MTA3: variants seen among roughly 807,000 people sequenced by gnomAD.
The protein encoded by MTA3 is metastasis associated 1 family member 3.
In MTA3, 34 loss-of-function variants were observed where a neutral mutation model predicts 83.5. That is an observed-to-expected ratio of 0.41 (90% CI 0.31 to 0.54). The LOEUF is 0.54. MTA3 is among the 20% of genes least tolerant of loss of function. The pLI, the probability that MTA3 is intolerant of heterozygous loss-of-function variation, is 0.33. For missense variants in MTA3, 761 were observed against 726.4 expected (o/e 1.05, Z -0.55); for synonymous variants, 303 against 252.7 (o/e 1.20, Z -1.89).
chr2:42,612,613 G>A (rs1396836477), intron 4 of MTA3, among the ~76,000 whole-genome samples: 3 of 152,178 alleles, frequency 2.0e-5, no homozygotes, highest in Admixed American at 6.5e-5. Flanking sequence ...TGTAATCCCA[G>A]CACTTTGTGA....
At chr2:42,542,143 C>T (rs925402338) in intron 2 of MTA3, among the ~76,000 whole-genome samples, 1 of 152,200 alleles carries the variant, frequency 6.6e-6, no homozygotes, top group South Asian at 2.1e-4. Flanking sequence ...TCACAAGTCT[C>T]CACTCCATTC....
At chr2:42,733,046 T>A (rs967198206) in intron 16 of MTA3, among the ~76,000 whole-genome samples, 6 of 152,198 alleles carry the variant, frequency 3.9e-5, no homozygotes, top group African/African-American at 1.4e-4. Context: ...TCCAAACTGT[T>A]CCAACCTGTG....
At chr2:42,655,232 T>G (rs1689061484) in intron 6 of MTA3, among the ~76,000 whole-genome samples, 1 of 152,172 alleles carries the variant, frequency 6.6e-6, no homozygotes. Flanking sequence ...CCAAATAAAG[T>G]CTCTTCGAAA....
At chr2:42,517,930 A>T (rs1468952460) in intron 2 of MTA3, among the ~76,000 whole-genome samples, 4 of 151,888 alleles carry the variant, frequency 2.6e-5, no homozygotes, top group African/African-American at 9.7e-5. Flanking sequence ...TCACGCCTGT[A>T]ATCCGAGCAC....
intron 2 of MTA3, among the ~76,000 whole-genome samples, chr2:42,539,524 A>T (rs778168684): frequency 1.3e-5 from 2 of 150,934 alleles, no homozygotes; most frequent in African/African-American, 4.9e-5. Flanking sequence ...GGGACCTACA[A>T]TTCAAGATGA....
intron 16 of MTA3, among the ~76,000 whole-genome samples, chr2:42,730,429 A>T (rs1668160232): frequency 6.6e-6 from 1 of 152,062 alleles, no homozygotes; most frequent in South Asian, 2.1e-4. Context: ...TCATGAGGGG[A>T]TGTTGAATTT....
At chr2:42,509,037 G>T (rs772487340) in intron 2 of MTA3, among the ~76,000 whole-genome samples, 1 of 151,584 alleles carries the variant, frequency 6.6e-6, no homozygotes, top group East Asian at 1.9e-4. Flanking sequence ...CCTGTTACTT[G>T]TTTTTGTTGT....
chr2:42,722,967 C>G lies in MTA3; in HGVS notation c.1691C>G (p.Thr564Arg), dbSNP rs768390076. The G allele has an allele frequency of 1.0e-5, 16 of 1,551,192 alleles. No individual in the cohort carries two copies. Among genetic ancestry groups the G allele is most frequent in the Non-Finnish European group, 1.4e-5 (16 of 1,147,136 alleles). The change falls in exon 16 of 17, where the codon ACA becomes AGA. Residue 564 changes from threonine (T) to arginine (R), a missense_variant. By Grantham distance (71) the Thr-to-Arg change is moderately conservative (BLOSUM62 -1). Transcript: ENST00000405094. ...ACCCCAACTACCAAGCGGATGCTAACAACTCCAAATCACACATCTCTGAGC... is the reference window on the plus strand; with the variant it reads ...ACCCCAACTACCAAGCGGATGCTAAGAACTCCAAATCACACATCTCTGAGC... ...LQTPTTKRML[T>R]TPNHTSLSIL...
chr2:42,620,175 A>T (rs964131988), intron 4 of MTA3, among the ~76,000 whole-genome samples: 30 of 148,320 alleles, frequency 2.0e-4, no homozygotes, highest in African/African-American at 6.3e-4. Flanking sequence ...CTGGAGTGCA[A>T]TGGCGTGATC....
chr2:42,754,286 T>A lies in MTA3; in HGVS notation c.*887T>A. On this transcript the variant is annotated 3_prime_UTR_variant, in exon 17 of 17. Coordinates refer to ENST00000405094, the MANE Select transcript of MTA3 (RefSeq NM_001330442.2). ...GCAGGTCACAAATGACCTAGTTTCA[T>A]TTTAAGCAGACAGACTCTGTTTGGC... is the stretch of plus-strand genomic sequence containing the variant. The A allele has an allele frequency of 1.0e-6, 1 of 985,464 alleles. No homozygotes were observed. The highest frequency in any genetic ancestry group is 1.2e-6 in the Non-Finnish European group (1 of 829,952). The allele number at this position is 985,464 out of a possible 1,614,324, so 61.0% of individuals were successfully genotyped here.
At chr2:42,573,267 C>T (rs553858546) in intron 2 of MTA3, among the ~76,000 whole-genome samples, 6 of 152,308 alleles carry the variant, frequency 3.9e-5, no homozygotes, top group African/African-American at 1.4e-4. Flanking sequence ...GCAAGCCTGA[C>T]CTAGGACATT....
chr2:42,754,247 A>G lies in MTA3; in HGVS notation c.*848A>G. 2 of 985,512 alleles carry G rather than the reference A, an allele frequency of 2.0e-6. No individual in the cohort carries two copies. The highest frequency in any genetic ancestry group is 2.4e-6 in the Non-Finnish European group (2 of 829,988). 61.0% of individuals were successfully genotyped at this position (985,512 alleles called of 1,614,324 possible). The stretch of plus-strand genomic sequence containing the variant: ...AACCAGCTGATGAAGAACTGCTGCC[A>G]GGTGGGTCCTACAGCAGGTCACAAA... On this transcript the variant is annotated 3_prime_UTR_variant, in exon 17 of 17. Coordinates refer to ENST00000405094, the MANE Select transcript of MTA3 (RefSeq NM_001330442.2).
chr2:42,625,900 T>A (rs1162053604), intron 4 of MTA3, among the ~76,000 whole-genome samples: 1 of 151,478 alleles, frequency 6.6e-6, no homozygotes, highest in Non-Finnish European at 1.5e-5. Flanking sequence ...TTTTATGCTG[T>A]AGTCTGTTCT....
intron 3 of MTA3, among the ~76,000 whole-genome samples, chr2:42,594,728 A>ATATATATTTT: frequency 5.8e-4 from 14 of 24,040 alleles, no homozygotes; most frequent in East Asian, 1.2e-3. Context: ...ATATATATAT[A>ATATATATTTT]TTTTTTTTTT....
chr2:42,691,135 C>G (rs914281462), intron 9 of MTA3, among the ~76,000 whole-genome samples: 1 of 152,002 alleles, frequency 6.6e-6, no homozygotes, highest in African/African-American at 2.4e-5. Context: ...CCTCGGCCTC[C>G]CAAAGTGTTG....
At chr2:42,517,888 A>G (rs1311576266) in intron 2 of MTA3, among the ~76,000 whole-genome samples, 1 of 145,532 alleles carries the variant, frequency 6.9e-6, no homozygotes, top group African/African-American at 2.5e-5. Flanking sequence ...AAAAGAAGAA[A>G]AGAAAATACA....
In MTA3 at chr2:42,704,311, C is replaced by T. The variant is rs1665874591; in HGVS notation, c.1143C>T (p.Ser381=). Residue 381 remains serine (S), a synonymous_variant, in exon 12 of 17, where the codon AGC becomes AGT. Transcript: ENST00000405094. The part of the protein sequence containing the change: ...QNPLLGRACE[S]CYATQSHQWY... The stretch of plus-strand genomic sequence containing the variant: ...CTCTCTTAGGGAGAGCCTGTGAGAG[C>T]TGCTATGGTAAGTTTTCTCTAGCAG... 1.9e-6 allele frequency: 3 copies of T among 1,613,768 alleles called. No individual in the cohort carries two copies. Among genetic ancestry groups the T allele is most frequent in the Middle Eastern group, 1.7e-4 (1 of 6,060 alleles).
In MTA3 at chr2:42,616,572, C is replaced by CTTCT. The variant is rs371119345; in HGVS notation, c.317+6990_317+6991insCTTT. ...ATTTGATTAATCTCTTCTTCTTCTT[C>CTTCT]TTTTTTTTTTTTTTTTTTTTTTTTG... On this transcript the variant is annotated intron_variant, in intron 4 of 16. Coordinates refer to ENST00000405094, the MANE Select transcript of MTA3 (RefSeq NM_001330442.2). 1.5e-3 allele frequency among the ~76,000 whole-genome samples: 82 copies of CTTCT among 56,232 alleles called. 1 individual carries two copies. Among genetic ancestry groups the CTTCT allele is most frequent in the African/African-American group, 5.8e-3 (78 of 13,532 alleles). 36.9% of individuals were successfully genotyped at this position (56,232 alleles called of 152,430 possible).
chr2:42,627,843 G>T (rs1030468573), intron 4 of MTA3, among the ~76,000 whole-genome samples: 2 of 150,244 alleles, frequency 1.3e-5, no homozygotes, highest in African/African-American at 2.5e-5. Flanking sequence ...CTTCCAAAGT[G>T]CTGGGATTAC....
Sources: allele counts gnomAD v4.1 joint callset (sites outside exome capture counted in the v4.1 genomes callset), GRCh38; gene constraint gnomAD v4.1.1; transcripts MANE v1.5; gene names NCBI Gene and HGNC (gene_info 2026-07-23, HGNC 2026-07-21).